The following IFT80 variants were observed in gnomAD, a reference collection of about 807,000 sequenced individuals.
IFT80 encodes the protein intraflagellar transport 80.
Under a neutral mutation model 107.9 loss-of-function variants are expected in IFT80, and 79 were observed. The ratio of observed to expected loss-of-function variants is 0.73; its 90% CI spans 0.61 to 0.88. The LOEUF (loss-of-function observed/expected upper bound fraction) is 0.88. IFT80 is among the 40% of genes least tolerant of loss of function. The pLI, the probability that IFT80 is intolerant of heterozygous loss-of-function variation, is 0.00. For synonymous variants in IFT80, 299 were observed against 300.9 expected (o/e 0.99, Z 0.07); for missense variants, 797 against 914.2 (o/e 0.87, Z 1.65).
intron 19 of IFT80, among the ~76,000 whole-genome samples, chr3:160,264,810 C>G (rs1713167163): frequency 6.6e-6 from 1 of 152,008 alleles, no homozygotes; most frequent in Non-Finnish European, 1.5e-5. Flanking sequence ...TTAATTTGCC[C>G]TATGAAACCC....
At position 160,330,571 on chromosome 3, in the gene IFT80, CAG is replaced by C. The variant is rs572117733; in HGVS notation, c.778-10634_778-10633del. Among the ~76,000 whole-genome samples the C allele has an allele frequency of 8.9e-4, 136 of 152,192 alleles. 2 individuals are homozygous for C. The highest frequency in any genetic ancestry group is 1.9e-3 in the Admixed American group (29 of 15,274). Reference sequence around the variant, plus strand: ...GTGGTTTTCAAACTTCAGTGTGCATCAGAGTTACCTAGGATTGTTAAAATGGA... The same window carrying C: ...GTGGTTTTCAAACTTCAGTGTGCATCAGTTACCTAGGATTGTTAAAATGGA... On this transcript the variant is annotated intron_variant, in intron 8 of 19. Coordinates refer to ENST00000326448, the MANE Select transcript of IFT80 (RefSeq NM_020800.3).
At chr3:160,372,815 GA>G (rs1576886450) in intron 5 of IFT80, among the ~76,000 whole-genome samples, 1 of 152,206 alleles carries the variant, frequency 6.6e-6, no homozygotes, top group East Asian at 1.9e-4. Flanking sequence ...ATGATATGAT[GA>G]ATACATAAGA....
intron 8 of IFT80, among the ~76,000 whole-genome samples, chr3:160,350,689 C>T (rs536614143): frequency 3.3e-5 from 5 of 151,948 alleles, no homozygotes; most frequent in South Asian, 2.1e-4. Flanking sequence ...GTGATGTGCG[C>T]GTGTAGTCCC....
At chr3:160,387,227 C>T (rs1249007447) in intron 1 of IFT80, among the ~76,000 whole-genome samples, 2 of 152,152 alleles carry the variant, frequency 1.3e-5, no homozygotes, top group Non-Finnish European at 1.5e-5. Flanking sequence ...CAGTTGTGGC[C>T]GGGTGCGGTG....
chr3:160,374,550 G>A (rs181695690), intron 5 of IFT80, among the ~76,000 whole-genome samples: 84 of 152,270 alleles, frequency 5.5e-4, no homozygotes, highest in African/African-American at 1.6e-3. Flanking sequence ...AAGGAAAAAC[G>A]GATATAGCAC....
At chr3:160,370,492 T>C (rs941966627) in intron 5 of IFT80, among the ~76,000 whole-genome samples, 3 of 152,130 alleles carry the variant, frequency 2.0e-5, no homozygotes, top group African/African-American at 7.2e-5. Context: ...TGGGATTTAT[T>C]CAAAAAATTC....
At position 160,397,436 on chromosome 3, in the gene IFT80, C is replaced by A. The variant is rs900821760; in HGVS notation, c.-47+1710G>T. The stretch of plus-strand genomic sequence containing the variant: ...GCTACCCTTCCTCTAACTTGATATC[C>A]CATTATTCATCCTTAGCATACTTTG... On this transcript the variant is annotated intron_variant, in intron 1 of 19. Transcript: ENST00000326448. 2.0e-5 allele frequency among the ~76,000 whole-genome samples: 3 copies of A among 152,158 alleles called. 1 individual carries two copies. In the South Asian group the frequency reaches 6.2e-4, roughly 32 times the overall value.
At position 160,329,340 on chromosome 3, in the gene IFT80, G is replaced by A. The variant is rs149556565; in HGVS notation, c.778-9401C>T. On this transcript the variant is annotated intron_variant, in intron 8 of 19. Coordinates refer to ENST00000326448, the MANE Select transcript of IFT80 (RefSeq NM_020800.3). ...ACATTTGTATTACTACCCTCTAAAAGGGAATGAGACAGCTGCCCTGGGTGT... is the reference window on the plus strand; with the variant it reads ...ACATTTGTATTACTACCCTCTAAAAAGGAATGAGACAGCTGCCCTGGGTGT... Among the ~76,000 whole-genome samples the A allele has an allele frequency of 7.9e-5, 12 of 152,192 alleles. No individual in the cohort carries two copies. In the East Asian group the frequency reaches 2.3e-3, roughly 29 times the overall value.
At chr3:160,261,252 C>T (rs796187325) in intron 19 of IFT80, among the ~76,000 whole-genome samples, 10 of 152,102 alleles carry the variant, frequency 6.6e-5, no homozygotes, top group African/African-American at 2.2e-4. Flanking sequence ...CCACCTTCGG[C>T]TGTTTTCAGT....
chr3:160,295,538 T>C lies in IFT80; in HGVS notation c.1315+5345A>G, dbSNP rs902377690. On this transcript the variant is annotated intron_variant, in intron 12 of 19. Transcript: ENST00000326448. ...AGGAGGATCACTTGAGCCCACGATG[T>C]TGAGGCTGCAGTGGAGCACCAGTGC... is the stretch of plus-strand genomic sequence containing the variant. 2.0e-5 allele frequency among the ~76,000 whole-genome samples: 3 copies of C among 152,146 alleles called. No homozygotes were observed. In the East Asian group the frequency reaches 5.8e-4, roughly 29 times the overall value.
intron 18 of IFT80, among the ~76,000 whole-genome samples, chr3:160,276,127 C>T (rs1047185537): frequency 2.0e-5 from 3 of 151,896 alleles, no homozygotes; most frequent in African/African-American, 2.4e-5. Context: ...CTCAGCCTCC[C>T]GAAGTGTTGG....
At chr3:160,370,688 A>G (rs745966923) in intron 5 of IFT80, among the ~76,000 whole-genome samples, 3 of 152,114 alleles carry the variant, frequency 2.0e-5, no homozygotes, top group Non-Finnish European at 2.9e-5. Context: ...CTGAGCTCCA[A>G]CACATTTCTA....
At chr3:160,385,282 A>G (rs9874550) in intron 1 of IFT80, among the ~76,000 whole-genome samples, 6,328 of 152,342 alleles carry the variant, frequency 0.042, 236 homozygotes, top group Middle Eastern at 0.1. Flanking sequence ...AAACAGCCAT[A>G]TCATCAAAAG....
chr3:160,383,833 C>A, intron 2 of IFT80: 1 of 985,396 alleles, frequency 1.0e-6, no homozygotes, highest in Non-Finnish European at 1.2e-6. Flanking sequence ...TAATGAGGAT[C>A]TGACTGCTCA....
At chr3:160,398,301 G>A (rs1168126666) in intron 1 of IFT80, among the ~76,000 whole-genome samples, 1 of 151,920 alleles carries the variant, frequency 6.6e-6, no homozygotes, top group Non-Finnish European at 1.5e-5. Flanking sequence ...GCTCTTCCAG[G>A]GAAGAACCAT....
rs565364572 is a variant in IFT80, at chr3:160,258,552, G to A, written c.2307C>T (p.Ser769=). 26 of 1,613,690 alleles carry A rather than the reference G, an allele frequency of 1.6e-5. No homozygotes were observed. In the East Asian group the frequency reaches 3.6e-4, roughly 22 times the overall value. Residue 769 remains serine (S), a synonymous_variant, in exon 20 of 20, where the codon TCC becomes TCT. Transcript: ENST00000326448. ...AGGGCTTTAAACCTATACTCTTGCT[G>A]GATTGGCTGCTTGATGATTGCTCTC... ...KEREQSSSSQ[S]SKSIGLKP is the part of the protein sequence containing the mutation.
At chr3:160,282,357 T>C in intron 14 of IFT80, 121 bp downstream of exon 14, 1 of 704,914 alleles carries the variant, frequency 1.4e-6, no homozygotes, top group Middle Eastern at 4.1e-4. Context: ...AAGGGTTAAA[T>C]AGCTAAGAAG....
chr3:160,358,323 A>ATT (rs886892149), intron 6 of IFT80, among the ~76,000 whole-genome samples: 1 of 147,058 alleles, frequency 6.8e-6, no homozygotes, highest in Non-Finnish European at 1.5e-5. Context: ...CCCCTCAACC[A>ATT]TTTTTTTTTT....
intron 6 of IFT80, among the ~76,000 whole-genome samples, chr3:160,361,002 G>A (rs561750653): frequency 3.7e-4 from 56 of 152,226 alleles, no homozygotes; most frequent in African/African-American, 1.2e-3. Flanking sequence ...CTAACATCAC[G>A]TCAGGATCAA....
Sources: allele counts gnomAD v4.1 joint callset (sites outside exome capture counted in the v4.1 genomes callset), GRCh38; gene constraint gnomAD v4.1.1; transcripts MANE v1.5; gene names NCBI Gene and HGNC (gene_info 2026-07-23, HGNC 2026-07-21).